The following GPM6A variants were observed in gnomAD, a reference collection of about 807,000 sequenced individuals.
The protein encoded by GPM6A is neuronal membrane glycoprotein M6-a.
Under a neutral mutation model 32.1 loss-of-function variants are expected in GPM6A, and 7 were observed. The observed-to-expected ratio is 0.22, with a 90% CI of 0.12 to 0.41. The LOEUF (loss-of-function observed/expected upper bound fraction) is 0.41, where lower values mean the gene tolerates loss of function less well. Among genes scored for constraint, GPM6A ranks in the 10% least tolerant of loss-of-function variants. The pLI is 1.00. For missense variants in GPM6A, 235 were observed against 347.2 expected (o/e 0.68, Z 2.57); for synonymous variants, 130 against 123.4 (o/e 1.05, Z -0.35).
intron 1 of GPM6A, among the ~76,000 whole-genome samples, chr4:175,726,983 G>A (rs1731191717): frequency 2.0e-5 from 3 of 152,114 alleles, no homozygotes. Flanking sequence ...GTGACAGAGT[G>A]AGACTCTGTC....
At chr4:175,843,380 C>T (rs1203457983) in intron 1 of GPM6A, among the ~76,000 whole-genome samples, 3 of 152,182 alleles carry the variant, frequency 2.0e-5, no homozygotes, top group Admixed American at 6.6e-5. Context: ...TGAACAGAGG[C>T]CCCTGCCTTC....
At chr4:175,677,356 G>A (rs550276487) in intron 2 of GPM6A, among the ~76,000 whole-genome samples, 1 of 152,162 alleles carries the variant, frequency 6.6e-6, no homozygotes, top group South Asian at 2.1e-4. Context: ...TGGCAAATAG[G>A]TTTTCTCTAC....
intron 1 of GPM6A, among the ~76,000 whole-genome samples, chr4:175,974,469 C>T (rs1456703547): frequency 6.6e-6 from 1 of 152,062 alleles, no homozygotes; most frequent in Non-Finnish European, 1.5e-5. Context: ...GATTCTCCAG[C>T]CTCAGCCTCC....
At chr4:175,650,344 GC>G (rs1399677758) in intron 4 of GPM6A, among the ~76,000 whole-genome samples, 2 of 150,894 alleles carry the variant, frequency 1.3e-5, no homozygotes, top group African/African-American at 4.9e-5. Flanking sequence ...TCACTCTGTT[GC>G]CCAGTCTGGA....
intron 2 of GPM6A, among the ~76,000 whole-genome samples, chr4:175,691,596 C>T (rs1457057746): frequency 3.9e-5 from 6 of 152,052 alleles, no homozygotes; most frequent in African/African-American, 1.4e-4. Flanking sequence ...CCTTTTTAAA[C>T]AATGTTTAGG....
chr4:175,741,952 T>C (rs1016290270), intron 1 of GPM6A, among the ~76,000 whole-genome samples: 1 of 152,074 alleles, frequency 6.6e-6, no homozygotes, highest in Non-Finnish European at 1.5e-5. Context: ...TACGCATTTA[T>C]GGAAGGAAGA....
rs35653197 is a variant in GPM6A at position 175,936,306 on chromosome 4, C to CAAAAAAAAAAAA, written c.-23+65991_-23+66002dup. Among the ~76,000 whole-genome samples, 15 of 45,606 alleles carry CAAAAAAAAAAAA rather than the reference C, an allele frequency of 3.3e-4. 1 individual carries two copies. Among genetic ancestry groups the CAAAAAAAAAAAA allele is most frequent in the East Asian group, 1.8e-3 (2 of 1,142 alleles). 29.9% of individuals were successfully genotyped at this position (45,606 alleles called of 152,430 possible). The stretch of plus-strand genomic sequence containing the variant: ...GGGCGACACAGCGAGACTCTGTCTC[C>CAAAAAAAAAAAA]AAAAAAAAAAAAAAAAAAAAAAAAA... On this transcript the variant is annotated intron_variant, in intron 1 of 7. Transcript: ENST00000280187.
At chr4:175,652,596 A>G (rs1741872547) in intron 3 of GPM6A, among the ~76,000 whole-genome samples, 1 of 151,916 alleles carries the variant, frequency 6.6e-6, no homozygotes, top group African/African-American at 2.4e-5. Flanking sequence ...GTAAAATATT[A>G]TTTTAATTTT....
chr4:175,728,450 A>G (rs963185879), intron 1 of GPM6A, among the ~76,000 whole-genome samples: 1 of 152,116 alleles, frequency 6.6e-6, no homozygotes, highest in African/African-American at 2.4e-5. Flanking sequence ...CTTTGTGTTT[A>G]TTGTTTTTTT....
chr4:175,786,560 G>A (rs1384284398), intron 1 of GPM6A, among the ~76,000 whole-genome samples: 2 of 151,722 alleles, frequency 1.3e-5, no homozygotes, highest in African/African-American at 4.8e-5. Context: ...CCTTTACCCA[G>A]CACCTTCTCC....
At chr4:175,959,359 G>A (rs951703876) in intron 1 of GPM6A, among the ~76,000 whole-genome samples, 2 of 152,042 alleles carry the variant, frequency 1.3e-5, no homozygotes, top group Non-Finnish European at 2.9e-5. Context: ...TACTGCACAT[G>A]ATCCTTGCAT....
At chr4:175,787,985 C>A (rs1191870821) in intron 1 of GPM6A, 2 of 152,168 alleles carry the variant, frequency 1.3e-5, no homozygotes, top group Non-Finnish European at 2.9e-5. Context: ...GAAAATTACA[C>A]TTTTCCATTG....
intron 3 of GPM6A, among the ~76,000 whole-genome samples, chr4:175,670,004 G>GAA (rs533205454): frequency 7.0e-6 from 1 of 143,582 alleles, no homozygotes. Context: ...CAGCCCTCAG[G>GAA]AAAAAAAAAA....
intron 1 of GPM6A, chr4:175,962,565 T>A (rs1235903953): frequency 6.4e-5 from 24 of 374,542 alleles, no homozygotes; most frequent in Admixed American, 6.7e-5. Flanking sequence ...TGCAGCCTCC[T>A]GTACTCATTA....
At chr4:175,948,015 CTAGCAATAGCAA>C (rs371607987) in intron 1 of GPM6A, among the ~76,000 whole-genome samples, 3 of 151,930 alleles carry the variant, frequency 2.0e-5, no homozygotes, top group African/African-American at 4.8e-5. Flanking sequence ...AACATAGCAC[CTAGCAATAGCAA>C]TAGCAATAGC....
chr4:175,705,691 C>G (rs1460903139), intron 1 of GPM6A, among the ~76,000 whole-genome samples: 1 of 152,088 alleles, frequency 6.6e-6, no homozygotes, highest in Non-Finnish European at 1.5e-5. Flanking sequence ...AACAATCACC[C>G]TTTAAGGCTG....
At chr4:175,650,994 T>C (rs2110917277) in intron 4 of GPM6A, among the ~76,000 whole-genome samples, 1 of 152,326 alleles carries the variant, frequency 6.6e-6, no homozygotes, top group Middle Eastern at 3.4e-3. Context: ...GCTGAGATTA[T>C]ACTCTACCTT....
At chr4:175,694,686 C>G (rs1744478727) in intron 2 of GPM6A, among the ~76,000 whole-genome samples, 2 of 152,132 alleles carry the variant, frequency 1.3e-5, no homozygotes, top group African/African-American at 4.8e-5. Flanking sequence ...GTGAAACATT[C>G]TCAGCCTAGC....
chr4:175,777,500 T>C (rs1054030646), intron 1 of GPM6A, among the ~76,000 whole-genome samples: 4 of 152,054 alleles, frequency 2.6e-5, no homozygotes, highest in Non-Finnish European at 4.4e-5. Flanking sequence ...AATTGTGAGA[T>C]AGAGAACATT....
Sources: allele counts gnomAD v4.1 joint callset (sites outside exome capture counted in the v4.1 genomes callset), GRCh38; gene constraint gnomAD v4.1.1; transcripts MANE v1.5; gene names NCBI Gene and HGNC (gene_info 2026-07-23, HGNC 2026-07-21).